The following ELMO1 variants were observed in gnomAD, a reference collection of about 807,000 sequenced individuals.
The protein encoded by ELMO1 is engulfment and cell motility 1.
In ELMO1, 26 loss-of-function variants were observed where a neutral mutation model predicts 98.9. The observed-to-expected ratio is 0.26, with a 90% CI of 0.19 to 0.36. The LOEUF is 0.36. ELMO1 is among the 10% of genes least tolerant of loss of function. ELMO1 has a pLI of 1.00. For missense variants in ELMO1, 627 were observed against 935.2 expected (o/e 0.67, Z 4.30); for synonymous variants, 346 against 346.0 (o/e 1.00, Z 0.00).
chr7:37,448,479 G>A (rs967716127), intron 1 of ELMO1, among the ~76,000 whole-genome samples, 196 bp downstream of exon 1: 1 of 151,950 alleles, frequency 6.6e-6, no homozygotes, highest in East Asian at 2.0e-4. Context: ...CGCGCCCGCA[G>A]CCCTCACCCT....
intron 16 of ELMO1, among the ~76,000 whole-genome samples, chr7:36,984,447 T>A (rs1011550918): frequency 8.5e-5 from 13 of 152,182 alleles, no homozygotes; most frequent in African/African-American, 3.1e-4. Context: ...GTAGAAGGTC[T>A]CTCCCAGACA....
chr7:36,949,743 T>C (rs1787811560), intron 16 of ELMO1, among the ~76,000 whole-genome samples: 1 of 151,922 alleles, frequency 6.6e-6, no homozygotes, highest in African/African-American at 2.4e-5. Flanking sequence ...CTGTTCACTG[T>C]AGAATGTTTA....
At chr7:36,912,391 G>A (rs904202176) in intron 16 of ELMO1, among the ~76,000 whole-genome samples, 1 of 152,212 alleles carries the variant, frequency 6.6e-6, no homozygotes, top group Non-Finnish European at 1.5e-5. Context: ...CCTATGGAAA[G>A]ACACCTTAGA....
chr7:37,077,661 G>A (rs1208904226), intron 15 of ELMO1, among the ~76,000 whole-genome samples: 9 of 152,314 alleles, frequency 5.9e-5, no homozygotes, highest in Non-Finnish European at 2.9e-5. Context: ...TTAACAGGAC[G>A]TGGCCGCTGG....
intron 1 of ELMO1, among the ~76,000 whole-genome samples, chr7:37,431,303 C>T (rs895427283): frequency 6.6e-6 from 1 of 151,902 alleles, no homozygotes; most frequent in Non-Finnish European, 1.5e-5. Flanking sequence ...TGCCACTGTA[C>T]TCCAGCCTGG....
At chr7:36,957,705 C>G (rs186985233) in intron 16 of ELMO1, among the ~76,000 whole-genome samples, 156 of 152,334 alleles carry the variant, frequency 1.0e-3, no homozygotes, top group Non-Finnish European at 1.8e-3. Flanking sequence ...TTCACTCTCT[C>G]TAGTATGCCC....
chr7:37,299,251 A>G (rs1290249004), intron 4 of ELMO1, among the ~76,000 whole-genome samples: 1 of 146,818 alleles, frequency 6.8e-6, no homozygotes, highest in Non-Finnish European at 1.5e-5. Context: ...CCATTTTTGT[A>G]GGTTGCCTGT....
intron 16 of ELMO1, among the ~76,000 whole-genome samples, chr7:36,968,634 C>T (rs1245660719): frequency 6.6e-6 from 1 of 152,064 alleles, no homozygotes; most frequent in East Asian, 1.9e-4. Flanking sequence ...TACATTTTCT[C>T]TACATTTTAT....
At chr7:37,380,931 G>T (rs1306914345) in intron 1 of ELMO1, among the ~76,000 whole-genome samples, 1 of 152,036 alleles carries the variant, frequency 6.6e-6, no homozygotes, top group African/African-American at 2.4e-5. Flanking sequence ...CCACTCTTAG[G>T]GCCATTTTAA....
intron 15 of ELMO1, among the ~76,000 whole-genome samples, chr7:37,077,785 G>A (rs1056827658): frequency 1.3e-5 from 2 of 152,132 alleles, no homozygotes; most frequent in African/African-American, 4.8e-5. Context: ...AGAGGAGCTA[G>A]TGCATTTTCA....
chr7:36,914,918 A>G (rs551920619), intron 16 of ELMO1, among the ~76,000 whole-genome samples: 55 of 152,012 alleles, frequency 3.6e-4, no homozygotes, highest in Middle Eastern at 3.4e-3. Context: ...CAGAAATTCA[A>G]ATTGTGAAAT....
chr7:37,087,962 AC>A (rs1247755324), intron 15 of ELMO1, among the ~76,000 whole-genome samples: 5 of 152,136 alleles, frequency 3.3e-5, no homozygotes, highest in African/African-American at 1.2e-4. Flanking sequence ...CAGAACAGTC[AC>A]CCAAACGATG....
At chr7:37,422,731 C>T (rs1443907690) in intron 1 of ELMO1, among the ~76,000 whole-genome samples, 4 of 152,178 alleles carry the variant, frequency 2.6e-5, no homozygotes, top group African/African-American at 9.7e-5. Flanking sequence ...AGTCATGATG[C>T]ACTACAAGAC....
chr7:37,084,278 G>A (rs1179491058), intron 15 of ELMO1, among the ~76,000 whole-genome samples: 1 of 152,172 alleles, frequency 6.6e-6, no homozygotes, highest in Non-Finnish European at 1.5e-5. Flanking sequence ...AGGGTAAAAT[G>A]CAAAGTTTAT....
chr7:37,133,844 AG>A (rs1272444203), intron 13 of ELMO1, among the ~76,000 whole-genome samples: 2 of 152,196 alleles, frequency 1.3e-5, no homozygotes, highest in Non-Finnish European at 2.9e-5. Flanking sequence ...TCTGGTCTTT[AG>A]GGTCACCACA....
At chr7:37,129,300 A>G (rs1200886205) in intron 14 of ELMO1, among the ~76,000 whole-genome samples, 1 of 152,200 alleles carries the variant, frequency 6.6e-6, no homozygotes, top group African/African-American at 2.4e-5. Context: ...ATGGGTTTGA[A>G]GGTTCCAGAC....
intron 15 of ELMO1, among the ~76,000 whole-genome samples, chr7:37,083,945 C>T (rs899177157): frequency 9.2e-5 from 14 of 152,152 alleles, no homozygotes; most frequent in Non-Finnish European, 1.3e-4. Flanking sequence ...TGGTTAAAGT[C>T]GAACCCATTT....
chr7:37,192,232 C>G (rs148001535), intron 13 of ELMO1, among the ~76,000 whole-genome samples: 51 of 152,198 alleles, frequency 3.4e-4, no homozygotes, highest in African/African-American at 1.0e-3. Context: ...TGTGGTTGCT[C>G]ATGGCTGTAA....
At chr7:37,027,598 TAG>T (rs140110573) in intron 15 of ELMO1, among the ~76,000 whole-genome samples, 2,769 of 152,270 alleles carry the variant, frequency 0.018, 96 homozygotes, top group African/African-American at 0.063. Flanking sequence ...TAAACAAAAA[TAG>T]AGTTAAATAT....
Sources: gnomAD v4.1 joint callset for allele counts (sites outside exome capture counted in the v4.1 genomes callset) on GRCh38, gnomAD v4.1.1 for gene constraint, MANE v1.5 for transcripts, NCBI Gene and HGNC (gene_info 2026-07-23, HGNC 2026-07-21) for gene names.